Variants in CSF2RA observed in about 807,000 individuals in gnomAD.
CSF2RA encodes the protein granulocyte-macrophage colony-stimulating factor receptor subunit alpha.
A neutral mutation model predicts 51.6 loss-of-function variants in CSF2RA; 42 were observed. The ratio of observed to expected loss-of-function variants is 0.81; its 90% confidence interval spans 0.64 to 1.05. CSF2RA has a LOEUF of 1.05. CSF2RA is among the 50% of genes least tolerant of loss of function. CSF2RA has a pLI of 0.00. For synonymous variants in CSF2RA, 222 were observed against 193.0 expected, an observed-to-expected ratio of 1.15 and a Z score of -1.24; for missense variants, 530 against 501.1, an observed-to-expected ratio of 1.06 and a Z score of -0.55.
rs28570311 is a variant in CSF2RA, at chrX:1,304,050, T to C, written c.1043+31T>C. On this transcript the variant is annotated intron_variant, in intron 11 of 12. Transcript: ENST00000381529. ...CTGTGAAACACCTGGGCCTCCCCAA[T>C]GAAAACAGGCCAGGCCGGGAGGAAA... 1,037,259 of 1,571,562 alleles carry C rather than the reference T, an allele frequency of 0.66. 343,221 individuals are homozygous for C. Among genetic ancestry groups the C allele is most frequent in the African/African-American group, 0.67 (48,095 of 72,034 alleles).
chrX:1,286,962 AAC>A (rs1166121453), intron 4 of CSF2RA, among the ~76,000 whole-genome samples: 4 of 151,924 alleles, frequency 2.6e-5, no homozygotes, highest in African/African-American at 9.7e-5. Context: ...AGGAGGGAGA[AAC>A]ACAGAGAAAG....
rs1207072920 is a variant in CSF2RA at position 1,268,816 on chromosome X, T to G, written c.-154T>G. 2 of 453,900 alleles carry G rather than the reference T, an allele frequency of 4.4e-6. No individual in the cohort carries two copies. The highest frequency in any genetic ancestry group is 8.8e-6 in the Non-Finnish European group (2 of 226,768). 28.1% of individuals were successfully genotyped at this position (453,900 alleles called of 1,614,324 possible). On this transcript the variant is annotated 5_prime_UTR_variant, in exon 1 of 13. Transcript: ENST00000381529. The stretch of plus-strand genomic sequence containing the variant: ...ACAGAGGAACTCTGAAGGGAGCTAC[T>G]CAGAAGCGGGAGTCTCCGAGAGAAG...
chrX:1,268,880 G>A lies in CSF2RA; in HGVS notation c.-91+1G>A. On this transcript the variant is annotated splice_donor_variant, in intron 1 of 12. Coordinates refer to ENST00000381529, the MANE Select transcript of CSF2RA (RefSeq NM_172245.4). LOFTEE classifies it low-confidence loss of function (5UTR_SPLICE). ...AGGAGAGGAAGCGGATGCCGTGGGG[G>A]TAAGCTAAGTTCTTTCCTTCTGTGG... is the stretch of plus-strand genomic sequence containing the variant. The A allele has an allele frequency of 2.2e-6, 1 of 454,038 alleles. No homozygotes were observed. The allele number at this position is 454,038 out of a possible 1,614,324, so 28.1% of individuals were successfully genotyped here.
At chrX:1,310,684 AATT>A (rs2084136669), downstream of CSF2RA, among the ~76,000 whole-genome samples, 1 of 140,796 alleles carries the variant, frequency 7.1e-6, no homozygotes, top group African/African-American at 2.7e-5. Flanking sequence ...AAAAAAAAAA[AATT>A]ATTATTGTAC....
At chrX:1,285,701 CAAAAAAAAAAAAAAA>C (rs374606414) in intron 3 of CSF2RA, 62 bp from the exon 4 acceptor site, 507 of 873,014 alleles carry the variant, frequency 5.8e-4, no homozygotes, top group South Asian at 1.9e-3. Context: ...GACTCCGTCT[CAAAAAAAAAAAAAAA>C]AAAAAAAAAA....
At chrX:1,276,366 AT>A (rs1285906295) in intron 2 of CSF2RA, among the ~76,000 whole-genome samples, 14 of 93,422 alleles carry the variant, frequency 1.5e-4, no homozygotes, top group Non-Finnish European at 3.7e-4. Flanking sequence ...TTATATATTT[AT>A]TTATTTATTT....
chrX:1,282,647 T>A (rs1244861914), intron 2 of CSF2RA, 31 bp from the exon 3 acceptor site: 1 of 1,504,550 alleles, frequency 6.6e-7, no homozygotes, highest in Non-Finnish European at 9.3e-7. Context: ...AGAGGCAACC[T>A]TCTCACTGTG....
chrX:1,309,733 A>T lies in CSF2RA; in HGVS notation c.*254A>T, dbSNP rs747548697. 3 of 800,230 alleles carry T rather than the reference A, an allele frequency of 3.7e-6. No individual in the cohort carries two copies. The highest frequency in any genetic ancestry group is 2.1e-5 in the Admixed American group (1 of 47,788). 49.6% of individuals were successfully genotyped at this position (800,230 alleles called of 1,614,324 possible). On this transcript the variant is annotated 3_prime_UTR_variant, in exon 13 of 13. Coordinates refer to ENST00000381529, the MANE Select transcript of CSF2RA (RefSeq NM_172245.4). ...GAAACCCCATCTGGACTAAAAATGC[A>T]GAAATTTACCCAGGCACGGCGGCGG...
chrX:1,323,362 C>T, the CSF2RA span, among the ~76,000 whole-genome samples: 1 of 151,550 alleles, frequency 6.6e-6, no homozygotes, highest in Non-Finnish European at 1.5e-5. Context: ...TGAGCCACCG[C>T]ACCTGGCCCC....
downstream of CSF2RA, among the ~76,000 whole-genome samples, chrX:1,314,311 G>A (rs1385384025): frequency 1.7e-5 from 2 of 117,286 alleles, no homozygotes; most frequent in Admixed American, 8.6e-5. Context: ...CTCTGTGCCT[G>A]CCCAACCACA....
chrX:1,301,700 C>G (rs1432607719), intron 10 of CSF2RA, among the ~76,000 whole-genome samples: 1 of 149,142 alleles, frequency 6.7e-6, no homozygotes, highest in Non-Finnish European at 1.5e-5. Flanking sequence ...GGGTTCACGC[C>G]ATTCTCCTGC....
the CSF2RA span, among the ~76,000 whole-genome samples, chrX:1,317,444 T>C: frequency 6.8e-6 from 1 of 147,950 alleles, no homozygotes; most frequent in Non-Finnish European, 1.5e-5. Flanking sequence ...AGAGACGGGC[T>C]TTCTCCACAT....
rs1224242234 is a variant in CSF2RA, at chrX:1,268,893, T to G, written c.-91+14T>G. On this transcript the variant is annotated intron_variant, in intron 1 of 12. Transcript: ENST00000381529. Reference sequence around the variant, plus strand: ...GATGCCGTGGGGGTAAGCTAAGTTCTTTCCTTCTGTGGTCTTTGAGCATGT... The same window carrying G: ...GATGCCGTGGGGGTAAGCTAAGTTCGTTCCTTCTGTGGTCTTTGAGCATGT... 6.6e-6 allele frequency: 3 copies of G among 453,968 alleles called. 1 individual carries two copies. The highest frequency in any genetic ancestry group is 3.1e-5 in the South Asian group (2 of 64,456). 28.1% of individuals were successfully genotyped at this position (453,968 alleles called of 1,614,324 possible).
Position 1,285,758 on chromosome X carries a change from C to T in CSF2RA, c.77-20C>T. 3 of 1,594,832 alleles carry T rather than the reference C, an allele frequency of 1.9e-6. No homozygotes were observed. The highest frequency in any genetic ancestry group is 2.6e-6 in the Non-Finnish European group (3 of 1,164,976). On this transcript the variant is annotated intron_variant, in intron 3 of 12. Coordinates refer to ENST00000381529, the MANE Select transcript of CSF2RA (RefSeq NM_172245.4). ...GAAAAGAAAAGAGGAAATTCTGAAC[C>T]CAGTGCCCGCTCCTTGCAGATCTGC...
At chrX:1,296,747 G>A (rs1224719517) in intron 9 of CSF2RA, among the ~76,000 whole-genome samples, 1 of 4,620 alleles carries the variant, frequency 2.2e-4, no homozygotes, top group African/African-American at 8.8e-4. Context: ...GACCCCTGGC[G>A]GAACTGTACA....
chrX:1,322,435 G>GTTTGT, the CSF2RA span, among the ~76,000 whole-genome samples: 1 of 78,624 alleles, frequency 1.3e-5, no homozygotes, highest in African/African-American at 5.4e-5. Context: ...AACTGTGTGT[G>GTTTGT]TTTGTTTTTT....
chrX:1,296,294 ACTGTACAGTCCCCTACTCACGAC>A (rs2091947530), intron 9 of CSF2RA, among the ~76,000 whole-genome samples: 1 of 141,206 alleles, frequency 7.1e-6, no homozygotes, highest in Non-Finnish European at 1.5e-5. Context: ...CCCTGGCGGA[ACTGTACAGTCCCCTACTCACGAC>A]CCCTACACTC....
chrX:1,299,778 C>G (rs1297304904), intron 9 of CSF2RA, among the ~76,000 whole-genome samples: 1 of 151,916 alleles, frequency 6.6e-6, no homozygotes, highest in Non-Finnish European at 1.5e-5. Flanking sequence ...CGTACCCATG[C>G]GTGGTGGCGG....
intron 9 of CSF2RA, among the ~76,000 whole-genome samples, chrX:1,299,178 A>G (rs2092210120): frequency 6.6e-6 from 1 of 152,012 alleles, no homozygotes; most frequent in African/African-American, 2.4e-5. Context: ...TTCCCATTTT[A>G]TTCCTCTTTC....
Sources: allele counts gnomAD v4.1 joint callset (sites outside exome capture counted in the v4.1 genomes callset), GRCh38; gene constraint gnomAD v4.1.1; transcripts MANE v1.5; gene names NCBI Gene and HGNC (gene_info 2026-07-23, HGNC 2026-07-21).